R3HDM1: variants seen among roughly 807,000 people sequenced by gnomAD.
R3HDM1 encodes the protein R3H domain-containing protein 1.
A neutral mutation model predicts 141.1 loss-of-function variants in R3HDM1; 46 were observed. The observed-to-expected ratio is 0.33, with a 90% CI of 0.26 to 0.42. The LOEUF (loss-of-function observed/expected upper bound fraction) is 0.42. R3HDM1 is among the 10% of genes least tolerant of loss of function. The probability of loss-of-function intolerance (pLI) is 1.00; values close to 1 mark genes in which losing one functional copy is unlikely to be tolerated. For missense variants in R3HDM1, 1,184 were observed against 1,368.3 expected (o/e 0.87, Z 2.12); for synonymous variants, 435 against 472.9 (o/e 0.92, Z 1.04).
chr2:135,532,341 T>C (rs1341431283), intron 1 of R3HDM1, among the ~76,000 whole-genome samples: 2 of 152,244 alleles, frequency 1.3e-5, no homozygotes. Context: ...AACAAATCTT[T>C]GTGGGCTTTG....
intron 1 of R3HDM1, among the ~76,000 whole-genome samples, chr2:135,597,902 G>T (rs2059325188): frequency 6.6e-6 from 1 of 152,038 alleles, no homozygotes; most frequent in African/African-American, 2.4e-5. Flanking sequence ...TTATTGTTGG[G>T]GCTACCGAAG....
At chr2:135,620,417 A>G (rs1249007007) in intron 5 of R3HDM1, 2 of 877,262 alleles carry the variant, frequency 2.3e-6, no homozygotes, top group Non-Finnish European at 2.7e-6. Context: ...GGAAGTTGCC[A>G]GTGTCTTTGG....
rs2066672638 is a variant in R3HDM1, at chr2:135,661,252, C to G, written c.2029-18C>G. 1 of 1,612,606 alleles carries G rather than the reference C, an allele frequency of 6.2e-7. No homozygotes were observed. The highest frequency in any genetic ancestry group is 1.7e-5 in the Admixed American group (1 of 59,750). On this transcript the variant is annotated intron_variant, in intron 18 of 26. Coordinates refer to ENST00000683871, the MANE Select transcript of R3HDM1 (RefSeq NM_001378107.1). Reference sequence around the variant, plus strand: ...TGCAAGTAAAATTGATTTTTTCCCGCAATATTTATGATCCTAGATGCCAGC... The same window carrying G: ...TGCAAGTAAAATTGATTTTTTCCCGGAATATTTATGATCCTAGATGCCAGC...
intron 21 of R3HDM1, among the ~76,000 whole-genome samples, chr2:135,706,906 C>T (rs1033997117): frequency 3.9e-5 from 6 of 152,072 alleles, no homozygotes; most frequent in Non-Finnish European, 1.5e-5. Context: ...ACCTCCCAGA[C>T]GGGGTGGTGG....
At chr2:135,602,450 C>T (rs1226233780) in intron 1 of R3HDM1, 50 bp from the exon 2 acceptor site, 2 of 1,156,288 alleles carry the variant, frequency 1.7e-6, no homozygotes, top group Admixed American at 4.0e-5. Flanking sequence ...TGGAGTGTTC[C>T]ATTTCCCTTG....
Position 135,531,587 on chromosome 2 carries a change from C to A in R3HDM1, c.-296C>A. 1.0e-6 allele frequency: 1 copy of A among 986,776 alleles called. No homozygotes were observed. The highest frequency in any genetic ancestry group is 1.2e-6 in the Non-Finnish European group (1 of 830,652). 61.1% of individuals were successfully genotyped at this position (986,776 alleles called of 1,614,324 possible). Reference sequence around the variant, plus strand: ...TTGCACCCACCCAGCCCCGCCGTCGCCCCGCCGCGCCGCGCTCCAACCGCC... The same window carrying A: ...TTGCACCCACCCAGCCCCGCCGTCGACCCGCCGCGCCGCGCTCCAACCGCC... On this transcript the variant is annotated 5_prime_UTR_variant, in exon 1 of 27. Coordinates refer to ENST00000683871, the MANE Select transcript of R3HDM1 (RefSeq NM_001378107.1).
intron 17 of R3HDM1, 153 bp from the exon 18 acceptor site, chr2:135,651,574 TGAA>T (rs2065154692): frequency 1.1e-6 from 1 of 947,992 alleles, no homozygotes; most frequent in Non-Finnish European, 1.3e-6. Context: ...GTCATTTTTT[TGAA>T]GCTTTACCCT....
chr2:135,697,685 CA>C (rs2073466868), intron 21 of R3HDM1, among the ~76,000 whole-genome samples: 1 of 152,064 alleles, frequency 6.6e-6, no homozygotes, highest in African/African-American at 2.4e-5. Flanking sequence ...TATTTAGGAT[CA>C]AAAACAGTCA....
chr2:135,544,944 G>A (rs1326627305), intron 1 of R3HDM1, among the ~76,000 whole-genome samples: 2 of 152,100 alleles, frequency 1.3e-5, no homozygotes, highest in Non-Finnish European at 2.9e-5. Context: ...CAGCCTGGGT[G>A]ATAGAGTAAA....
chr2:135,685,074 C>T (rs2071100058), intron 21 of R3HDM1, among the ~76,000 whole-genome samples: 1 of 152,100 alleles, frequency 6.6e-6, no homozygotes, highest in African/African-American at 2.4e-5. Context: ...GCATTTTTTT[C>T]ATAATAATGT....
At chr2:135,643,627 GA>G (rs2064047317) in intron 15 of R3HDM1, among the ~76,000 whole-genome samples, 2 of 151,884 alleles carry the variant, frequency 1.3e-5, no homozygotes, top group African/African-American at 4.8e-5. Flanking sequence ...TCTACTTATT[GA>G]AAAAATGTCT....
chr2:135,596,760 C>A (rs1323426235), intron 1 of R3HDM1, among the ~76,000 whole-genome samples: 2 of 152,142 alleles, frequency 1.3e-5, no homozygotes, highest in East Asian at 3.8e-4. Flanking sequence ...CATGAATATG[C>A]CACAGTTGTT....
rs139125340 is a variant in R3HDM1 at position 135,661,383 on chromosome 2, G to A, written c.2142G>A (p.Ala714=). The change falls in exon 19 of 27, where the codon GCG becomes GCA. Residue 714 remains alanine, a synonymous_variant. Coordinates refer to ENST00000683871, the MANE Select transcript of R3HDM1 (RefSeq NM_001378107.1). ...SHLNQPLPQP[A]QQTGYQVIPN... ...TAAACCAACCACTGCCACAACCTGC[G>A]CAGCAGACAGGTGAGTTGTGTTTCT... 26 of 1,613,870 alleles carry A rather than the reference G, an allele frequency of 1.6e-5. No homozygotes were observed. The South Asian group carries it at 1.9e-4, about 12-fold the overall frequency.
At chr2:135,533,999 C>T in intron 1 of R3HDM1, 1 of 985,310 alleles carries the variant, frequency 1.0e-6, no homozygotes, top group Non-Finnish European at 1.2e-6. Context: ...GTTTGTTGTT[C>T]ATATGCTGAG....
In R3HDM1 at chr2:135,631,777, A is replaced by G. The variant is rs764263057; in HGVS notation, c.557A>G (p.Glu186Gly). 1.3e-6 allele frequency: 2 copies of G among 1,573,928 alleles called. No homozygotes were observed. Among genetic ancestry groups the G allele is most frequent in the Non-Finnish European group, 1.7e-6 (2 of 1,163,656 alleles). ...QEILDFIGNN[E>G]SPRKKFPPMT... ...ATTTTAGATTTCATTGGTAATAATG[A>G]GTAAGTCCTGACATTCAACAAGAAA... is the stretch of plus-strand genomic sequence containing the variant. Residue 186 changes from glutamate to glycine, a missense_variant and splice_region_variant, in exon 8 of 27, where the codon GAG becomes GGG. Around this residue, in one of 5 missense-constraint regions of R3HDM1, gnomAD observed 192 missense variants for 215.7 expected, o/e 0.89. Transcript: ENST00000683871.
At chr2:135,531,719 A>T (rs2104859489) in intron 1 of R3HDM1, 86 bp downstream of exon 1, 1 of 985,882 alleles carries the variant, frequency 1.0e-6, no homozygotes, top group South Asian at 4.7e-5. Flanking sequence ...CGGTAGCGCT[A>T]ACGGAGAAGG....
chr2:135,561,974 G>T (rs192205464), intron 1 of R3HDM1, among the ~76,000 whole-genome samples: 1 of 152,204 alleles, frequency 6.6e-6, no homozygotes, highest in Non-Finnish European at 1.5e-5. Flanking sequence ...TTACATTAAA[G>T]GCCACCAAGT....
intron 18 of R3HDM1, among the ~76,000 whole-genome samples, chr2:135,655,500 TG>T (rs776403593): frequency 6.6e-6 from 1 of 151,772 alleles, no homozygotes; most frequent in Non-Finnish European, 1.5e-5. Context: ...TTTTTGTTGT[TG>T]TTGTTGTTGT....
chr2:135,566,093 T>C (rs1702730892), intron 1 of R3HDM1, among the ~76,000 whole-genome samples: 1 of 152,226 alleles, frequency 6.6e-6, no homozygotes, highest in African/African-American at 2.4e-5. Context: ...CCAACAGATA[T>C]ATTTGAAACT....
Sources: allele counts gnomAD v4.1 joint callset (sites outside exome capture counted in the v4.1 genomes callset), GRCh38; gene constraint gnomAD v4.1.1; regional missense constraint gnomAD v4.1.1; transcripts MANE v1.5; gene names NCBI Gene and HGNC (gene_info 2026-07-23, HGNC 2026-07-21).